Variants in CAPN12 observed in about 807,000 individuals in gnomAD.
The protein encoded by CAPN12 is calpain-12.
A neutral mutation model predicts 95.0 loss-of-function variants in CAPN12; 107 were observed. The observed-to-expected ratio is 1.13, with a 90% CI of 0.96 to 1.32. CAPN12 has a LOEUF of 1.32. Among genes scored for constraint, CAPN12 ranks in the 40% most tolerant of loss-of-function variants. The probability of loss-of-function intolerance (pLI) is 0.00; values close to 1 mark genes in which losing one functional copy is unlikely to be tolerated. For missense variants in CAPN12, 1,136 were observed against 997.8 expected, an observed-to-expected ratio of 1.14 and a Z score of -1.87; for synonymous variants, 505 against 415.5, an observed-to-expected ratio of 1.22 and a Z score of -2.62.
rs779913498 is a variant in CAPN12 at position 38,736,602 on chromosome 19, G to A, written c.1363-39C>T. 16 of 1,585,458 alleles carry A rather than the reference G, an allele frequency of 1.0e-5. No individual in the cohort carries two copies. In the African/African-American group the frequency reaches 1.2e-4, roughly 12 times the overall value. On this transcript the variant is annotated intron_variant, in intron 10 of 20. Transcript: ENST00000328867. Reference sequence around the variant, plus strand: ...GAGCAAGGGGCGTCGGGGCAGGGGAGAGGTGGCCGCCGCTCAGGGTCTCCT... The same window carrying A: ...GAGCAAGGGGCGTCGGGGCAGGGGAAAGGTGGCCGCCGCTCAGGGTCTCCT...
upstream of CAPN12, chr19:38,744,603 G>A (rs1247332724): frequency 5.7e-5 from 13 of 228,108 alleles, no homozygotes; most frequent in Non-Finnish European, 1.1e-4. Flanking sequence ...CCGCCTTCAT[G>A]TTTCTTCTCC....
chr19:38,742,442 G>C lies in CAPN12; in HGVS notation c.394C>G (p.Gln132Glu). Residue 132 changes from glutamine (Q) to glutamate (E), a missense_variant, in exon 3 of 21, where the codon CAG becomes GAG. Gln to Glu is a conservative substitution (Grantham distance 29). Coordinates refer to ENST00000328867, the MANE Select transcript of CAPN12 (RefSeq NM_144691.4). The part of the protein sequence containing the change: ...RRVVPPGQDF[Q>E]HGYAGVFHFQ... ...TGGAAGACGCCTGCGTAGCCATGCTGGAAATCCTGTCCAGGAGGGACCACC... is the reference window on the plus strand; with the variant it reads ...TGGAAGACGCCTGCGTAGCCATGCTCGAAATCCTGTCCAGGAGGGACCACC... The C allele has an allele frequency of 1.2e-6, 2 of 1,614,076 alleles. No homozygotes were observed. Among genetic ancestry groups the C allele is most frequent in the Non-Finnish European group, 8.5e-7 (1 of 1,179,968 alleles).
Position 38,736,556 on chromosome 19 carries a change from T to C in CAPN12, c.1370A>G (p.Glu457Gly), listed in dbSNP as rs747475474. 1.3e-6 allele frequency: 2 copies of C among 1,552,204 alleles called. No individual in the cohort carries two copies. Among genetic ancestry groups the C allele is most frequent in the East Asian group, 4.7e-5 (2 of 42,646 alleles). The change falls in exon 11 of 21, where the codon GAG (glutamate) becomes GGG (glycine). Residue 457 changes from glutamate to glycine, a missense_variant. By Grantham distance (98) the Glu-to-Gly change is moderately conservative. Coordinates refer to ENST00000328867, the MANE Select transcript of CAPN12 (RefSeq NM_144691.4). ...TVGFHVFQIP[E>G]ELLGLWDSPR... ...TTGACCCCATCCCAGACTCACCTCC[T>C]CTGGAATCTGAAAGAAGCAAGAGCA...
intron 18 of CAPN12, chr19:38,731,485 ATG>A (rs904549901): frequency 3.0e-5 from 16 of 532,124 alleles, no homozygotes; most frequent in Non-Finnish European, 4.8e-5. Flanking sequence ...ACGTGACTCG[ATG>A]TGTGGGTACT....
rs1352650101 is a variant in CAPN12, at chr19:38,731,207, GT to G, written c.1973del (p.Asn658ThrfsTer3). Reference protein sequence around the residue: ...ALNAAGFHLNNQLTQTLTSRY... With the variant: ...ALNAAGFHLNXQLTQTLTSRY... ...GGCTGGTGAGGGTCTGGGTCAGCTG[GT>G]TGTTCAGGTGGAAGCCTAGGGGGAG... On this transcript the variant is annotated frameshift_variant, in exon 19 of 21. Coordinates refer to ENST00000328867, the MANE Select transcript of CAPN12 (RefSeq NM_144691.4). LOFTEE classifies it high-confidence loss of function. The G allele has an allele frequency of 3.7e-6, 6 of 1,612,582 alleles. No homozygotes were observed. The highest frequency in any genetic ancestry group is 5.1e-6 in the Non-Finnish European group (6 of 1,179,986).
Position 38,737,332 on chromosome 19 carries a change from C to T in CAPN12, c.1186G>A (p.Asp396Asn), listed in dbSNP as rs764958894. Residue 396 changes from aspartate (D) to asparagine (N), a missense_variant, in exon 10 of 21, where the codon GAT (aspartate) becomes AAT (asparagine). Asp to Asn is a conservative substitution (Grantham distance 23). Coordinates refer to ENST00000328867, the MANE Select transcript of CAPN12 (RefSeq NM_144691.4). ...CAGGGCCCTTCCTCATCCTCGTCATCCTCCTCATCAGGCTCCAGCAGCGTT... is the reference window on the plus strand; with the variant it reads ...CAGGGCCCTTCCTCATCCTCGTCATTCTCCTCATCAGGCTCCAGCAGCGTT... ...RLTLLEPDEEDDEDEEGPWGG... is the reference protein window; with the variant it reads ...RLTLLEPDEENDEDEEGPWGG... The T allele has an allele frequency of 1.3e-6, 2 of 1,569,022 alleles. No individual in the cohort carries two copies. Among genetic ancestry groups the T allele is most frequent in the African/African-American group, 1.4e-5 (1 of 72,512 alleles).
Position 38,741,352 on chromosome 19 carries a change from C to A in CAPN12, c.560+425G>T, listed in dbSNP as rs1282779818. Among the ~76,000 whole-genome samples, 4 of 152,066 alleles carry A rather than the reference C, an allele frequency of 2.6e-5. No homozygotes were observed. The South Asian group carries it at 8.3e-4, about 32-fold the overall frequency. On this transcript the variant is annotated intron_variant, in intron 4 of 20. Transcript: ENST00000328867. The stretch of plus-strand genomic sequence containing the variant: ...CTTTGGGAGGCCAAGGAAGGTGGAT[C>A]ACCTGAGATCAGGAGTTGGAGACCA...
upstream of CAPN12, chr19:38,744,531 AC>A: frequency 3.0e-6 from 1 of 333,078 alleles, no homozygotes; most frequent in Non-Finnish European, 5.7e-6. Context: ...AGGCGGGTTT[AC>A]CTCGGTGTCT....
At position 38,744,363 on chromosome 19, in the gene CAPN12, C is replaced by T; in HGVS notation, c.-198G>A. The stretch of plus-strand genomic sequence containing the variant: ...CTTTCTTCCCAGGGCGTGGGGCCTT[C>T]AGTTGTGGCCAAGGTAGCAGCTTAA... On this transcript the variant is annotated 5_prime_UTR_variant, in exon 1 of 21. Coordinates refer to ENST00000328867, the MANE Select transcript of CAPN12 (RefSeq NM_144691.4). 2 of 609,394 alleles carry T rather than the reference C, an allele frequency of 3.3e-6. No homozygotes were observed. The highest frequency in any genetic ancestry group is 4.0e-5 in the South Asian group (2 of 50,560). 37.7% of individuals were successfully genotyped at this position (609,394 alleles called of 1,614,324 possible). A position where few individuals can be genotyped will look rare whatever the true frequency, so the allele number is the denominator to read the frequency against.
At position 38,744,264 on chromosome 19, in the gene CAPN12, CA is replaced by C; in HGVS notation, c.-100del. Reference sequence around the variant, plus strand: ...TTGGAGCCCCAGTGGGGTCTTTAGGCAATGAGGAGCCTTCCCTCGTTAATAT... The same window carrying C: ...TTGGAGCCCCAGTGGGGTCTTTAGGCATGAGGAGCCTTCCCTCGTTAATAT... On this transcript the variant is annotated 5_prime_UTR_variant, in exon 1 of 21. In the 5' UTR this introduces an upstream ATG that the reference lacks. Coordinates refer to ENST00000328867, the MANE Select transcript of CAPN12 (RefSeq NM_144691.4). The C allele has an allele frequency of 1.8e-6, 2 of 1,092,698 alleles. No homozygotes were observed. The highest frequency in any genetic ancestry group is 1.4e-6 in the Non-Finnish European group (1 of 726,372). 67.7% of individuals were successfully genotyped at this position (1,092,698 alleles called of 1,614,324 possible).
rs1293506513 is a variant in CAPN12 at position 38,736,255 on chromosome 19, G to A, written c.1438C>T (p.Arg480Cys). The stretch of plus-strand genomic sequence containing the variant: ...TCGCGGCGGGCGCTGAGGGGCGAGC[G>A]GTCGGCGCGCAGCAGCCGGGGCAGG... Reference protein sequence around the residue: ...ALLPRLLRADRSPLSARRDVT... With the variant: ...ALLPRLLRADCSPLSARRDVT... The change falls in exon 12 of 21, where the codon CGC becomes TGC. Residue 480 changes from arginine (R) to cysteine (C), a missense_variant. Physicochemically the swap from Arg to Cys is radical, Grantham distance 180. Transcript: ENST00000328867. 8 of 1,470,734 alleles carry A rather than the reference G, an allele frequency of 5.4e-6. No individual in the cohort carries two copies. The highest frequency in any genetic ancestry group is 5.4e-5 in the South Asian group (4 of 73,926). 91.1% of individuals were successfully genotyped at this position (1,470,734 alleles called of 1,614,324 possible).
chr19:38,734,063 T>A, intron 17 of CAPN12, 79 bp downstream of exon 17: 1 of 1,504,056 alleles, frequency 6.6e-7, no homozygotes, highest in Non-Finnish European at 9.1e-7. Flanking sequence ...CCTGGGGACC[T>A]GATAGCCCAC....
At chr19:38,735,240 C>T (rs1969935808) in intron 14 of CAPN12, 130 bp downstream of exon 14, 1 of 890,220 alleles carries the variant, frequency 1.1e-6, no homozygotes, top group Non-Finnish European at 1.7e-6. Context: ...AAGAAAAGGT[C>T]AGGAGATTTA....
intron 11 of CAPN12, 70 bp from the exon 12 acceptor site, chr19:38,736,388 G>GC (rs1202597646): frequency 1.4e-6 from 2 of 1,478,172 alleles, no homozygotes; most frequent in African/African-American, 2.8e-5. Context: ...CCTCCAGCGC[G>GC]CCCCGTCCAC....
At chr19:38,736,625 C>A in intron 10 of CAPN12, 62 bp from the exon 11 acceptor site, 1 of 1,374,054 alleles carries the variant, frequency 7.3e-7, no homozygotes, top group South Asian at 1.5e-5. Flanking sequence ...CTCAGGGTCT[C>A]CTCCCTGCCC....
At chr19:38,742,929 G>C (rs1970645710) in intron 2 of CAPN12, 104 bp downstream of exon 2, 1 of 936,570 alleles carries the variant, frequency 1.1e-6, no homozygotes. Flanking sequence ...AGAGACTGAG[G>C]AGGGATCCAG....
At chr19:38,734,094 A>G (rs1969832904) in intron 17 of CAPN12, 48 bp downstream of exon 17, 3 of 1,602,872 alleles carry the variant, frequency 1.9e-6, no homozygotes, top group Non-Finnish European at 2.6e-6. Flanking sequence ...TGTCTCTGTT[A>G]GTAAAGGTTT....
In CAPN12 at chr19:38,734,822, G is replaced by A. The variant is rs1460888292; in HGVS notation, c.1735C>T (p.Leu579=). Residue 579 remains leucine, a synonymous_variant, in exon 15 of 21, where the codon CTG becomes TTG. Coordinates refer to ENST00000328867, the MANE Select transcript of CAPN12 (RefSeq NM_144691.4). The part of the protein sequence containing the change: ...SQLQALLSIA[L]EPARAHTSTP... The stretch of plus-strand genomic sequence containing the variant: ...ATCCCAGCCAACTCACCAGGCTCCA[G>A]GGCAATGCTTAGTAAGGCCTGGAGC... The A allele has an allele frequency of 6.2e-6, 10 of 1,612,578 alleles. No individual in the cohort carries two copies. Among genetic ancestry groups the A allele is most frequent in the South Asian group, 2.2e-5 (2 of 91,060 alleles).
chr19:38,742,888 G>A (rs914929587), intron 2 of CAPN12, 145 bp downstream of exon 2: 11 of 571,038 alleles, frequency 1.9e-5, no homozygotes, highest in East Asian at 1.5e-4. Flanking sequence ...GAAGGAAGGA[G>A]GGAGGAGGGA....
Sources: allele counts gnomAD v4.1 joint callset (sites outside exome capture counted in the v4.1 genomes callset), GRCh38; gene constraint gnomAD v4.1.1; transcripts MANE v1.5; gene names NCBI Gene and HGNC (gene_info 2026-07-23, HGNC 2026-07-21).